CFAP54: variants seen among roughly 807,000 people sequenced by gnomAD.
CFAP54 encodes the protein cilia and flagella associated protein 54.
Under a neutral mutation model 370.4 loss-of-function variants are expected in CFAP54, and 290 were observed. The ratio of observed to expected loss-of-function variants is 0.78; its 90% confidence interval spans 0.71 to 0.86. The LOEUF is 0.86. CFAP54 is among the 40% of genes least tolerant of loss of function. The pLI, the probability that CFAP54 is intolerant of heterozygous loss-of-function variation, is 0.00. For missense variants in CFAP54, 3,399 were observed against 3,528.7 expected (o/e 0.96, Z 0.93); for synonymous variants, 1,206 against 1,236.5 (o/e 0.98, Z 0.52).
At chr12:96,786,628 C>G (rs760428022) in intron 61 of CFAP54, 47 bp from the exon 62 acceptor site, 1 of 1,329,410 alleles carries the variant, frequency 7.5e-7, no homozygotes. Context: ...TTGAGATCAT[C>G]CCGTTTTCTA....
intron 60 of CFAP54, among the ~76,000 whole-genome samples, chr12:96,774,564 A>G (rs1958496667): frequency 6.6e-6 from 1 of 152,132 alleles, no homozygotes; most frequent in Non-Finnish European, 1.5e-5. Context: ...CTTAATATAA[A>G]GATAAGTCCC....
At chr12:96,547,767 G>A (rs1359766113) in intron 14 of CFAP54, 135 bp from the exon 15 acceptor site, 2 of 399,872 alleles carry the variant, frequency 5.0e-6, no homozygotes, top group Admixed American at 4.4e-5. Context: ...TTATTTCTCT[G>A]GTCCTTCCTT....
At chr12:96,855,186 A>G (rs1959665562) in intron 66 of CFAP54, among the ~76,000 whole-genome samples, 1 of 152,102 alleles carries the variant, frequency 6.6e-6, no homozygotes, top group African/African-American at 2.4e-5. Flanking sequence ...CCATGATTAG[A>G]TTACCTCCCA....
At chr12:96,680,267 A>G (rs1157352678) in intron 40 of CFAP54, among the ~76,000 whole-genome samples, 1 of 152,192 alleles carries the variant, frequency 6.6e-6, no homozygotes, top group Non-Finnish European at 1.5e-5. Flanking sequence ...TGTTGGTTGC[A>G]TTGCATTTAT....
At chr12:96,852,675 A>G (rs940459736) in intron 66 of CFAP54, among the ~76,000 whole-genome samples, 5 of 152,154 alleles carry the variant, frequency 3.3e-5, no homozygotes, top group Non-Finnish European at 5.9e-5. Context: ...GGATTGGACT[A>G]TATTTTAAGA....
rs1400139837 is a variant in CFAP54, at chr12:96,685,138, C to T, written c.5914C>T (p.His1972Tyr). ...CTCACTCACCAATGTCACCAACAGT[C>T]ATTCACCTCCGGGTTTCAAAGACTA... ...GPSLTNVTNS[H>Y]SPPGFKDYSE... The change falls in exon 42 of 68, where the codon CAT becomes TAT. Residue 1972 changes from histidine to tyrosine, a missense_variant. Physicochemically the swap from His to Tyr is moderately conservative, Grantham distance 83. Coordinates refer to ENST00000524981, the MANE Select transcript of CFAP54 (RefSeq NM_001306084.2). 8.1e-6 allele frequency: 13 copies of T among 1,614,010 alleles called. No individual in the cohort carries two copies. The highest frequency in any genetic ancestry group is 1.3e-5 in the African/African-American group (1 of 74,920).
intron 55 of CFAP54, among the ~76,000 whole-genome samples, chr12:96,745,688 A>G (rs756141190): frequency 7.9e-5 from 12 of 152,124 alleles, no homozygotes; most frequent in Non-Finnish European, 1.3e-4. Context: ...GTTAGATCCC[A>G]TTTGTCAATA....
chr12:96,748,015 G>A (rs1431010439), intron 55 of CFAP54, among the ~76,000 whole-genome samples: 1 of 151,664 alleles, frequency 6.6e-6, no homozygotes, highest in African/African-American at 2.4e-5. Context: ...TTCCCAGTCT[G>A]CAGACTCAGA....
chr12:96,682,071 A>G (rs1957279684), intron 40 of CFAP54: 5 of 765,164 alleles, frequency 6.5e-6, no homozygotes, highest in Non-Finnish European at 6.4e-6. Context: ...CATTTTCTCT[A>G]CCTTCCCTCC....
chr12:96,640,050 T>C (rs896090921), intron 32 of CFAP54, among the ~76,000 whole-genome samples: 37 of 152,150 alleles, frequency 2.4e-4, no homozygotes, highest in Middle Eastern at 6.3e-3. Flanking sequence ...ACCACTCCTA[T>C]TCAACATAGT....
rs531326458 is a variant in CFAP54 at position 96,543,128 on chromosome 12, C to T, written c.2077+2141C>T. On this transcript the variant is annotated intron_variant, in intron 14 of 67. Coordinates refer to ENST00000524981, the MANE Select transcript of CFAP54 (RefSeq NM_001306084.2). The stretch of plus-strand genomic sequence containing the variant: ...ATAGGTAGTGCTATTTACTCCCTTG[C>T]GTTGAATCAGGAGGCACACAATGCC... Among the ~76,000 whole-genome samples, 11 of 152,288 alleles carry T rather than the reference C, an allele frequency of 7.2e-5. No individual in the cohort carries two copies. In the South Asian group the frequency reaches 2.1e-3, roughly 29 times the overall value.
intron 60 of CFAP54, among the ~76,000 whole-genome samples, chr12:96,780,595 G>GTTCT (rs1170286820): frequency 4.6e-5 from 7 of 152,152 alleles, no homozygotes; most frequent in African/African-American, 1.4e-4. Context: ...AAAAATAGGA[G>GTTCT]GTACACAGAA....
intron 26 of CFAP54, among the ~76,000 whole-genome samples, chr12:96,617,858 C>T (rs558761696): frequency 4.6e-4 from 70 of 151,890 alleles, no homozygotes; most frequent in African/African-American, 1.5e-3. Flanking sequence ...GGCAAGGTGG[C>T]GGGCGCCTGT....
chr12:96,735,176 A>G (rs73379284), intron 50 of CFAP54, among the ~76,000 whole-genome samples: 4,696 of 152,306 alleles, frequency 0.031, 226 homozygotes, highest in African/African-American at 0.1. Flanking sequence ...CCACGGAGAT[A>G]GAAAAATAGA....
intron 26 of CFAP54, among the ~76,000 whole-genome samples, chr12:96,615,934 C>A (rs75368145): frequency 0.01 from 1,513 of 147,052 alleles, no homozygotes; most frequent in Middle Eastern, 0.022. Context: ...ACTAGTTCAA[C>A]CATTGTGGAA....
chr12:96,761,540 A>G (rs938713055), intron 58 of CFAP54, among the ~76,000 whole-genome samples: 4 of 151,646 alleles, frequency 2.6e-5, no homozygotes, highest in South Asian at 2.1e-4. Flanking sequence ...TTTGCGGCAT[A>G]TCTAGCACCC....
intron 17 of CFAP54, among the ~76,000 whole-genome samples, chr12:96,559,732 C>T (rs927481663): frequency 1.3e-5 from 2 of 151,736 alleles, no homozygotes; most frequent in Non-Finnish European, 2.9e-5. Flanking sequence ...TATATTTTAC[C>T]CCTGAAAACT....
chr12:96,856,362 T>A (rs1959704393), intron 66 of CFAP54, among the ~76,000 whole-genome samples: 1 of 152,198 alleles, frequency 6.6e-6, no homozygotes, highest in Non-Finnish European at 1.5e-5. Flanking sequence ...AGAAAATGAA[T>A]TTTTCTTTTC....
chr12:96,579,753 A>G (rs565706218), intron 20 of CFAP54, among the ~76,000 whole-genome samples: 2 of 152,202 alleles, frequency 1.3e-5, no homozygotes, highest in East Asian at 1.9e-4. Flanking sequence ...GTTCATTCCA[A>G]TAATGAATCT....
Sources: gnomAD v4.1 joint callset for allele counts (sites outside exome capture counted in the v4.1 genomes callset) on GRCh38, gnomAD v4.1.1 for gene constraint, MANE v1.5 for transcripts, NCBI Gene and HGNC (gene_info 2026-07-23, HGNC 2026-07-21) for gene names.